Variants in BRAT1 observed in about 807,000 individuals in gnomAD.
BRAT1 encodes the protein BRCA1 associated ATM activator 1.
A neutral mutation model predicts 70.6 loss-of-function variants in BRAT1; 74 were observed. That is an observed-to-expected ratio of 1.05 (90% CI 0.87 to 1.27). The LOEUF (loss-of-function observed/expected upper bound fraction) is 1.27, where lower values mean the gene tolerates loss of function less well. BRAT1 is among the 50% of genes most tolerant of loss of function. The pLI, the probability that BRAT1 is intolerant of heterozygous loss-of-function variation, is 0.00. For missense variants in BRAT1, 1,203 were observed against 1,098.2 expected, an observed-to-expected ratio of 1.10 and a Z score of -1.35; for synonymous variants, 615 against 517.1, an observed-to-expected ratio of 1.19 and a Z score of -2.57.
At chr7:2,553,643 T>C (rs1360712288) in intron 2 of BRAT1, among the ~76,000 whole-genome samples, 5 of 152,038 alleles carry the variant, frequency 3.3e-5, no homozygotes, top group Non-Finnish European at 5.9e-5. Flanking sequence ...GAACATGTAT[T>C]ACTTTGTTTT....
intron 2 of BRAT1, among the ~76,000 whole-genome samples, chr7:2,551,379 C>T (rs1192402733): frequency 1.3e-5 from 2 of 151,152 alleles, no homozygotes; most frequent in Admixed American, 1.3e-4. Context: ...AATAAAGCTA[C>T]TGAAAAATAC....
chr7:2,543,583 C>T lies in BRAT1; in HGVS notation c.803+7G>A, dbSNP rs538152635. ...CAGGCCCCCCAGCTGCGTCCCGGGG[C>T]CCTGACCGAGCCACACAGAGAAGCA... On this transcript the variant is annotated splice_region_variant and intron_variant, in intron 5 of 13. Coordinates refer to ENST00000340611, the MANE Select transcript of BRAT1 (RefSeq NM_152743.4). This position sits in a 1 kb window ranked among gnomAD's most constrained non-coding sequence, Gnocchi z 5.5. 9 of 1,509,198 alleles carry T rather than the reference C, an allele frequency of 6.0e-6. No homozygotes were observed. The South Asian group carries it at 1.2e-4, about 20-fold the overall frequency. The allele number at this position is 1,509,198 out of a possible 1,614,324, so 93.5% of individuals were successfully genotyped here.
In BRAT1 at chr7:2,555,504, C is replaced by G. The variant is rs959680730; in HGVS notation, c.-34G>C. 7 of 152,284 alleles carry G rather than the reference C, an allele frequency of 4.6e-5. No homozygotes were observed. Among genetic ancestry groups the G allele is most frequent in the African/African-American group, 1.7e-4 (7 of 41,460 alleles). The allele number at this position is 152,284 out of a possible 1,614,324, so 9.4% of individuals were successfully genotyped here. On this transcript the variant is annotated 5_prime_UTR_variant, in exon 1 of 14. Transcript: ENST00000340611. ...CGCCTCACCGCTCGGTTGCGTCCTCCGCCGCAACCACCCCTCGCCCAAGGC... is the reference window on the plus strand; with the variant it reads ...CGCCTCACCGCTCGGTTGCGTCCTCGGCCGCAACCACCCCTCGCCCAAGGC...
chr7:2,545,262 G>A (rs1779515932), intron 3 of BRAT1, among the ~76,000 whole-genome samples: 1 of 150,202 alleles, frequency 6.7e-6, no homozygotes, highest in Non-Finnish European at 1.5e-5. Flanking sequence ...TACTAAGAAG[G>A]CTGAGGCAGG....
In BRAT1 at chr7:2,545,059, G is replaced by A. The variant is rs890992472; in HGVS notation, c.283-3C>T. 2.7e-6 allele frequency: 4 copies of A among 1,485,174 alleles called. No homozygotes were observed. Among genetic ancestry groups the A allele is most frequent in the African/African-American group, 1.4e-5 (1 of 70,570 alleles). 92.0% of individuals were successfully genotyped at this position (1,485,174 alleles called of 1,614,324 possible). ...AGCCCTGGTAGTAACTCCCCCTGCT[G>A]GGAAGCAAAAAAAGAAGTGAGGGTG... On this transcript the variant is annotated splice_region_variant and splice_polypyrimidine_tract_variant and intron_variant, in intron 3 of 13. Coordinates refer to ENST00000340611, the MANE Select transcript of BRAT1 (RefSeq NM_152743.4).
intron 2 of BRAT1, among the ~76,000 whole-genome samples, chr7:2,552,106 A>ATATATATATATATAT (rs1245262304): frequency 2.1e-4 from 3 of 14,218 alleles, no homozygotes; most frequent in African/African-American, 2.3e-4. Flanking sequence ...ATATATATAT[A>ATATATATATATATAT]TTTTTTTTTT....
intron 12 of BRAT1, 51 bp from the exon 13 acceptor site, chr7:2,539,402 C>T (rs774129272): frequency 5.8e-6 from 9 of 1,558,552 alleles, no homozygotes; most frequent in South Asian, 2.3e-5. Context: ...CGAGCCTTGT[C>T]GCCTCGGCCT....
rs1491344376 is a variant in BRAT1 at position 2,552,107 on chromosome 7, T to TATATATATATATATATATATATATA, written c.127+2197_127+2198insTATATATATATATATATATATATAT. On this transcript the variant is annotated intron_variant, in intron 2 of 13. Coordinates refer to ENST00000340611, the MANE Select transcript of BRAT1 (RefSeq NM_152743.4). ...ATATATATATATATATATATATATA[T>TATATATATATATATATATATATATA]TTTTTTTTTTTTTTTTTTTTTTTTT... 3.2e-3 allele frequency among the ~76,000 whole-genome samples: 49 copies of TATATATATATATATATATATATATA among 15,114 alleles called. 3 individuals carry two copies. The highest frequency in any genetic ancestry group is 4.2e-3 in the Non-Finnish European group (37 of 8,886). 9.9% of individuals were successfully genotyped at this position (15,114 alleles called of 152,430 possible).
intron 4 of BRAT1, among the ~76,000 whole-genome samples, 175 bp downstream of exon 4, chr7:2,544,734 C>A (rs978261029): frequency 1.3e-5 from 2 of 152,248 alleles, no homozygotes. Context: ...GTCCTGGCTC[C>A]TAGGGCCTGA....
In BRAT1 at chr7:2,538,457, C is replaced by T. The variant is rs755169087; in HGVS notation, c.2078G>A (p.Arg693Lys). The T allele has an allele frequency of 1.9e-6, 3 of 1,612,988 alleles. No individual in the cohort carries two copies. Among genetic ancestry groups the T allele is most frequent in the Non-Finnish European group, 2.5e-6 (3 of 1,179,942 alleles). ...APAQPLTEAL[R>K]ALCHVGLFDF... is the part of the protein sequence containing the mutation. ...AAAGAGCCCCACGTGGCAGAGAGCC[C>T]TCAGTGCCTCGGTGAGTGGCTGGGC... The change falls in exon 14 of 14, where the codon AGG (arginine) becomes AAG (lysine). Residue 693 changes from arginine to lysine, a missense_variant. Arg to Lys is a conservative substitution (Grantham distance 26, BLOSUM62 2). Transcript: ENST00000340611.
rs1314781841 is a variant in BRAT1 at position 2,538,249 on chromosome 7, C to T, written c.2286G>A (p.Gln762=). 1 of 1,610,412 alleles carries T rather than the reference C, an allele frequency of 6.2e-7. No individual in the cohort carries two copies. The stretch of plus-strand genomic sequence containing the variant: ...CCTCAGGCTCCTGGTCCCCTGGGGG[C>T]TGGGCCTGCTCACCCGCCCGCCACC... ...LPRWRAGEQA[Q]PPGDQEPEAV... Residue 762 remains glutamine (Q), a synonymous_variant, in exon 14 of 14, where the codon CAG becomes CAA. Transcript: ENST00000340611.
chr7:2,541,633 A>C (rs1779172744), intron 8 of BRAT1, 85 bp downstream of exon 8: 1 of 1,477,604 alleles, frequency 6.8e-7, no homozygotes, highest in Admixed American at 2.1e-5. Context: ...CTGGGGCAGC[A>C]AGGGGTGGGG....
At position 2,543,761 on chromosome 7, in the gene BRAT1, G is replaced by A. The variant is rs1391361851; in HGVS notation, c.632C>T (p.Thr211Ile). 6.2e-7 allele frequency: 1 copy of A among 1,606,570 alleles called. No homozygotes were observed. The highest frequency in any genetic ancestry group is 1.1e-5 in the South Asian group (1 of 90,722). ...HVEESLCSAA[T>I]PKVTQALNVL... ...GTTCAGGGCCTGAGTGACCTTGGGG[G>A]TGGCCGCGGAGCACAAGGACTCTTC... Residue 211 changes from threonine to isoleucine, a missense_variant, in exon 5 of 14, where the codon ACC (threonine) becomes ATC (isoleucine). Coordinates refer to ENST00000340611, the MANE Select transcript of BRAT1 (RefSeq NM_152743.4). The surrounding 1 kb of genome is among the most constrained non-coding windows in gnomAD (Gnocchi z 5.5).
intron 9 of BRAT1, 37 bp from the exon 10 acceptor site, chr7:2,541,089 C>T: frequency 6.6e-7 from 1 of 1,507,226 alleles, no homozygotes; most frequent in Non-Finnish European, 8.8e-7. Flanking sequence ...ACCCCCACCC[C>T]CACCCTAGGA....
chr7:2,538,853 C>T, intron 13 of BRAT1, 89 bp from the exon 14 acceptor site: 1 of 1,545,956 alleles, frequency 6.5e-7, no homozygotes, highest in East Asian at 2.4e-5. Flanking sequence ...TGGGGGCTGG[C>T]CCCGGACATG....
At position 2,543,121 on chromosome 7, in the gene BRAT1, G is replaced by A; in HGVS notation, c.923+83C>T. 1 of 1,460,082 alleles carries A rather than the reference G, an allele frequency of 6.8e-7. No individual in the cohort carries two copies. Among genetic ancestry groups the A allele is most frequent in the South Asian group, 1.5e-5 (1 of 68,222 alleles). 90.4% of individuals were successfully genotyped at this position (1,460,082 alleles called of 1,614,324 possible). ...TGTCCCTGGTGTCCGGAACTCCCCT[G>A]CCATGAGGGCTGCGCTCTCAACCTC... On this transcript the variant is annotated intron_variant, in intron 6 of 13. Coordinates refer to ENST00000340611, the MANE Select transcript of BRAT1 (RefSeq NM_152743.4). The surrounding 1 kb of genome is among the most constrained non-coding windows in gnomAD (Gnocchi z 5.5).
chr7:2,543,104 G>A lies in BRAT1; in HGVS notation c.923+100C>T. On this transcript the variant is annotated intron_variant, in intron 6 of 13. Coordinates refer to ENST00000340611, the MANE Select transcript of BRAT1 (RefSeq NM_152743.4). The surrounding 1 kb of genome is among the most constrained non-coding windows in gnomAD (Gnocchi z 5.5). ...CCGCACGGCCGCCTGACTGTCCCTG[G>A]TGTCCGGAACTCCCCTGCCATGAGG... is the stretch of plus-strand genomic sequence containing the variant. The A allele has an allele frequency of 7.1e-7, 1 of 1,415,490 alleles. No individual in the cohort carries two copies. The highest frequency in any genetic ancestry group is 9.4e-7 in the Non-Finnish European group (1 of 1,067,884). 87.7% of individuals were successfully genotyped at this position (1,415,490 alleles called of 1,614,324 possible).
chr7:2,540,209 CCT>C (rs1779040882), intron 10 of BRAT1: 1 of 306,994 alleles, frequency 3.3e-6, no homozygotes, highest in Non-Finnish European at 6.0e-6. Context: ...ATGCTCTACC[CCT>C]GAGCTATACT....
At chr7:2,546,994 C>T (rs7459388) in intron 3 of BRAT1, among the ~76,000 whole-genome samples, 53 of 53,076 alleles carry the variant, frequency 1.0e-3, no homozygotes, top group African/African-American at 5.7e-3. Flanking sequence ...ACGGAGGCCA[C>T]GGCGCAGCTG....
Sources: allele counts gnomAD v4.1 joint callset (sites outside exome capture counted in the v4.1 genomes callset), GRCh38; gene constraint gnomAD v4.1.1; non-coding constraint Gnocchi (gnomAD v3.1); transcripts MANE v1.5; gene names NCBI Gene and HGNC (gene_info 2026-07-23, HGNC 2026-07-21).